The following TSPAN1 variants were observed in gnomAD, a reference collection of about 807,000 sequenced individuals.
TSPAN1 encodes the protein tetraspanin-1.
A neutral mutation model predicts 26.9 loss-of-function variants in TSPAN1; 23 were observed. The ratio of observed to expected loss-of-function variants is 0.85; its 90% CI spans 0.62 to 1.21. TSPAN1 has a LOEUF of 1.21. Among genes scored for constraint, TSPAN1 ranks in the 50% most tolerant of loss-of-function variants. TSPAN1 has a pLI of 0.00. For synonymous variants in TSPAN1, 115 were observed against 114.8 expected (o/e 1.00, Z -0.01); for missense variants, 283 against 298.4 (o/e 0.95, Z 0.38).
At chr1:46,177,370 TCTATCTATCTAA>T (rs1342617892) in intron 1 of TSPAN1, among the ~76,000 whole-genome samples, 6 of 151,744 alleles carry the variant, frequency 4.0e-5, no homozygotes, top group South Asian at 2.1e-4. Flanking sequence ...TATCTATCTA[TCTATCTATCTAA>T]CTATCTATCT....
intron 3 of TSPAN1, chr1:46,183,393 A>G (rs774986678): frequency 2.0e-5 from 3 of 152,256 alleles, no homozygotes; most frequent in Non-Finnish European, 4.4e-5. Flanking sequence ...CTCAGTTTTT[A>G]TAGCTGGCAA....
downstream of TSPAN1, chr1:46,190,884 T>C: frequency 8.7e-7 from 1 of 1,148,732 alleles, no homozygotes; most frequent in Non-Finnish European, 1.3e-6. Context: ...AATGAAGTCC[T>C]AGACCTGTAA....
chr1:46,179,314 GA>G (rs746283866), intron 1 of TSPAN1, among the ~76,000 whole-genome samples: 25,984 of 126,384 alleles, frequency 0.21, 2,451 homozygotes, highest in South Asian at 0.42. Flanking sequence ...CCCTGTCTCA[GA>G]AAAAAAAAAA....
chr1:46,193,570 G>C, the TSPAN1 span: 1 of 1,614,038 alleles, frequency 6.2e-7, no homozygotes, highest in Non-Finnish European at 8.5e-7. Flanking sequence ...TCACCTCATA[G>C]TAGCCGTCAA....
intron 1 of TSPAN1, among the ~76,000 whole-genome samples, chr1:46,179,098 AG>A (rs1303310391): frequency 6.6e-6 from 1 of 151,880 alleles, no homozygotes; most frequent in African/African-American, 2.4e-5. Context: ...AGGCTGAGGC[AG>A]AGGATTACTT....
chr1:46,177,506 C>T (rs751268037), intron 1 of TSPAN1, among the ~76,000 whole-genome samples: 5 of 152,164 alleles, frequency 3.3e-5, no homozygotes, highest in Non-Finnish European at 5.9e-5. Flanking sequence ...CCTTCTTGCA[C>T]TTAGAAAGAC....
In TSPAN1 at chr1:46,184,782, C is replaced by T. The variant is rs777916985; in HGVS notation, c.340-3C>T. ...CCCCTAAACACTGGCCTGCCTCACC[C>T]AGGCTGAGCACTTCCTGACGTTGCT... On this transcript the variant is annotated splice_polypyrimidine_tract_variant and splice_region_variant and intron_variant, in intron 5 of 8. Transcript: ENST00000372003. 7.4e-6 allele frequency: 12 copies of T among 1,614,104 alleles called. No homozygotes were observed. The Admixed American group carries it at 2.0e-4, about 27-fold the overall frequency.
downstream of TSPAN1, chr1:46,190,048 A>T: frequency 6.3e-7 from 1 of 1,598,118 alleles, no homozygotes; most frequent in East Asian, 2.2e-5. Context: ...GGTGTGTCCC[A>T]CAGGACCCTG....
the TSPAN1 span, chr1:46,192,367 C>T: frequency 5.0e-6 from 8 of 1,614,084 alleles, no homozygotes; most frequent in Non-Finnish European, 5.1e-6. Context: ...CTCCTGAGCA[C>T]CCAGCCCAGC....
the TSPAN1 span, among the ~76,000 whole-genome samples, chr1:46,195,167 C>T: frequency 6.6e-6 from 1 of 152,346 alleles, no homozygotes; most frequent in Non-Finnish European, 1.5e-5. Context: ...GTCCTTTCCA[C>T]AAACCCACAC....
intron 1 of TSPAN1, chr1:46,175,967 G>C (rs950239093): frequency 3.3e-5 from 17 of 519,228 alleles, no homozygotes; most frequent in Non-Finnish European, 5.2e-5. Flanking sequence ...CTGCCTCCCG[G>C]GTTCAAGCAA....
the TSPAN1 span, chr1:46,193,596 T>C: frequency 1.2e-6 from 2 of 1,614,160 alleles, no homozygotes; most frequent in South Asian, 2.2e-5. Context: ...ACTGTTATCA[T>C]CTGAGGAGAC....
At chr1:46,195,449 CT>C in the TSPAN1 span, 3 of 379,552 alleles carry the variant, frequency 7.9e-6, no homozygotes, top group Non-Finnish European at 1.5e-5. Context: ...GTCCCCTCCC[CT>C]CTATCATTCA....
intron 1 of TSPAN1, among the ~76,000 whole-genome samples, chr1:46,178,183 C>A (rs1021203848): frequency 6.6e-6 from 1 of 151,950 alleles, no homozygotes; most frequent in Non-Finnish European, 1.5e-5. Context: ...ATGGTGAAAC[C>A]CTGTCTCTAC....
downstream of TSPAN1, among the ~76,000 whole-genome samples, chr1:46,186,154 A>G (rs1657423497): frequency 6.6e-6 from 1 of 152,190 alleles, no homozygotes; most frequent in African/African-American, 2.4e-5. Context: ...GAGGGCATGA[A>G]GAAGTACAGT....
At chr1:46,179,306 C>A (rs939515578) in intron 1 of TSPAN1, among the ~76,000 whole-genome samples, 37 of 148,174 alleles carry the variant, frequency 2.5e-4, no homozygotes, top group Non-Finnish European at 4.0e-4. Flanking sequence ...GAGCAAGACC[C>A]TGTCTCAGAA....
At chr1:46,194,912 C>T in the TSPAN1 span, 3 of 1,614,052 alleles carry the variant, frequency 1.9e-6, no homozygotes, top group African/African-American at 4.0e-5. Flanking sequence ...GCTGCCCAGG[C>T]TCCTCAGCAG....
rs1329287938 is a variant in TSPAN1, at chr1:46,185,504, T to C, written c.697T>C (p.Ser233Pro). ...GGLELAAMIV[S>P]MYLYCNLQ ...TCTCCAGCTGGCTGCCATGATTGTG[T>C]CCATGTATCTGTACTGCAATCTACA... Residue 233 changes from serine (S) to proline (P), a missense_variant, in exon 9 of 9, where the codon TCC becomes CCC. Physicochemically the swap from Ser to Pro is moderately conservative, Grantham distance 74. Transcript: ENST00000372003. The C allele has an allele frequency of 6.2e-7, 1 of 1,614,102 alleles. No homozygotes were observed. Among genetic ancestry groups the C allele is most frequent in the Non-Finnish European group, 8.5e-7 (1 of 1,180,052 alleles).
the TSPAN1 span, chr1:46,193,280 C>T: frequency 1.2e-6 from 2 of 1,613,808 alleles, no homozygotes; most frequent in Non-Finnish European, 1.7e-6. Flanking sequence ...GGTGTCTGCC[C>T]CATCCCCACT....
Sources: gnomAD v4.1 joint callset for allele counts (sites outside exome capture counted in the v4.1 genomes callset) on GRCh38, gnomAD v4.1.1 for gene constraint, MANE v1.5 for transcripts, NCBI Gene and HGNC (gene_info 2026-07-23, HGNC 2026-07-21) for gene names.